EHD4: variants seen among roughly 807,000 people sequenced by gnomAD.
The protein encoded by EHD4 is EH domain containing 4.
A neutral mutation model predicts 51.0 loss-of-function variants in EHD4; 37 were observed. That is an observed-to-expected ratio of 0.73 (90% confidence interval 0.56 to 0.95). The LOEUF (loss-of-function observed/expected upper bound fraction) is 0.95. Ranked by LOEUF, EHD4 falls within the 40% of genes least tolerant of loss-of-function variation. EHD4 has a pLI of 0.00. For synonymous variants in EHD4, 297 were observed against 317.3 expected, an observed-to-expected ratio of 0.94 and a Z score of 0.68; for missense variants, 632 against 733.1, an observed-to-expected ratio of 0.86 and a Z score of 1.59.
chr15:41,907,572 T>A (rs1311230549), intron 5 of EHD4, among the ~76,000 whole-genome samples: 2 of 152,074 alleles, frequency 1.3e-5, no homozygotes, highest in Non-Finnish European at 2.9e-5. Flanking sequence ...CTGGCTGGAG[T>A]GCAGTGGTGC....
chr15:41,904,525 C>T (rs1361858283), intron 5 of EHD4, among the ~76,000 whole-genome samples: 3 of 152,164 alleles, frequency 2.0e-5, no homozygotes, highest in Non-Finnish European at 4.4e-5. Flanking sequence ...GGTATTTGCC[C>T]ATCAACAGTT....
intron 5 of EHD4, 36 bp downstream of exon 5, chr15:41,909,656 ACCTCTGC>A: frequency 1.2e-6 from 2 of 1,608,536 alleles, no homozygotes; most frequent in Non-Finnish European, 1.7e-6. Flanking sequence ...GTGGCACTGC[ACCTCTGC>A]CCTCTGCCCG....
chr15:41,945,819 G>T (rs905444565), intron 2 of EHD4, among the ~76,000 whole-genome samples: 2 of 152,260 alleles, frequency 1.3e-5, no homozygotes, highest in African/African-American at 4.8e-5. Flanking sequence ...TAACAGCAGT[G>T]CAGTGGTAGT....
At chr15:41,907,188 G>A (rs1238487141) in intron 5 of EHD4, among the ~76,000 whole-genome samples, 3 of 152,244 alleles carry the variant, frequency 2.0e-5, no homozygotes, top group Non-Finnish European at 4.4e-5. Context: ...GCAAGGCACT[G>A]TAGCAACTTC....
intron 1 of EHD4, among the ~76,000 whole-genome samples, chr15:41,954,735 T>TC (rs2067875645): frequency 6.6e-6 from 1 of 152,110 alleles, no homozygotes; most frequent in Non-Finnish European, 1.5e-5. Context: ...CCTCCTGGGC[T>TC]CCAACAATCC....
intron 2 of EHD4, among the ~76,000 whole-genome samples, chr15:41,952,103 G>A (rs2067855761): frequency 6.6e-6 from 1 of 152,218 alleles, no homozygotes; most frequent in African/African-American, 2.4e-5. Flanking sequence ...ATCTTCCACA[G>A]AAGGCACCTG....
chr15:41,913,200 T>C (rs2067561224), intron 4 of EHD4, among the ~76,000 whole-genome samples: 1 of 152,144 alleles, frequency 6.6e-6, no homozygotes. Flanking sequence ...TTTTCTAAAG[T>C]CTTCTGGTAA....
At chr15:41,959,799 G>A (rs907113894) in intron 1 of EHD4, among the ~76,000 whole-genome samples, 6 of 151,892 alleles carry the variant, frequency 4.0e-5, no homozygotes, top group African/African-American at 7.3e-5. Flanking sequence ...GTGAAACCCC[G>A]TCTCTACTAA....
In EHD4 at chr15:41,968,800, T is replaced by G. The variant is rs529650097; in HGVS notation, c.236+3459A>C. ...TTTTGGTTTTTTATTGAGATATAAT[T>G]CATATACCAGAAAATTTATTCTTTT... On this transcript the variant is annotated intron_variant, in intron 1 of 5. Transcript: ENST00000220325. Among the ~76,000 whole-genome samples, 13 of 152,350 alleles carry G rather than the reference T, an allele frequency of 8.5e-5. No individual in the cohort carries two copies. In the East Asian group the frequency reaches 2.5e-3, roughly 29 times the overall value.
At chr15:41,952,991 C>G (rs1189580216) in intron 2 of EHD4, among the ~76,000 whole-genome samples, 1 of 117,796 alleles carries the variant, frequency 8.5e-6, no homozygotes, top group Non-Finnish European at 1.8e-5. Flanking sequence ...CTCTATCTTC[C>G]CCCCCGCAAA....
chr15:41,945,944 C>A (rs558362102), intron 2 of EHD4, among the ~76,000 whole-genome samples: 2 of 152,198 alleles, frequency 1.3e-5, no homozygotes, highest in Non-Finnish European at 2.9e-5. Flanking sequence ...GACTCCTCTG[C>A]GCCCAGTCTC....
intron 1 of EHD4, among the ~76,000 whole-genome samples, chr15:41,954,640 A>AT (rs926206685): frequency 1.0e-3 from 152 of 149,924 alleles, no homozygotes; most frequent in Middle Eastern, 3.4e-3. Flanking sequence ...CTGAAAAAAA[A>AT]TTTTTTTTTT....
At chr15:41,970,442 T>A (rs1420034270) in intron 1 of EHD4, among the ~76,000 whole-genome samples, 1 of 152,210 alleles carries the variant, frequency 6.6e-6, no homozygotes, top group Non-Finnish European at 1.5e-5. Flanking sequence ...CTCAGAACCC[T>A]TCATAAAACT....
intron 4 of EHD4, among the ~76,000 whole-genome samples, chr15:41,914,105 C>CT (rs1450430228): frequency 6.6e-6 from 1 of 152,094 alleles, no homozygotes; most frequent in Non-Finnish European, 1.5e-5. Flanking sequence ...CTGGCCACAT[C>CT]TACTCTGGGC....
At chr15:41,919,065 T>A in intron 4 of EHD4, 145 bp downstream of exon 4, 1 of 1,074,748 alleles carries the variant, frequency 9.3e-7, no homozygotes, top group Non-Finnish European at 1.3e-6. Flanking sequence ...CAGGGCCACC[T>A]GACCTCGAGG....
intron 3 of EHD4, among the ~76,000 whole-genome samples, chr15:41,938,620 G>A (rs1215028807): frequency 6.6e-6 from 1 of 152,214 alleles, no homozygotes; most frequent in East Asian, 1.9e-4. Flanking sequence ...GTTCCTGAGA[G>A]AATAAGTCGA....
intron 3 of EHD4, among the ~76,000 whole-genome samples, chr15:41,933,228 G>A (rs1172427017): frequency 6.6e-6 from 1 of 152,160 alleles, no homozygotes; most frequent in Non-Finnish European, 1.5e-5. Flanking sequence ...CCACAGGCTT[G>A]TTTGGATGGT....
At chr15:41,933,994 G>T (rs939411427) in intron 3 of EHD4, among the ~76,000 whole-genome samples, 3 of 152,130 alleles carry the variant, frequency 2.0e-5, no homozygotes, top group Non-Finnish European at 4.4e-5. Flanking sequence ...TGCCCTGGAA[G>T]GAGGCTGGTT....
At position 41,896,389 on chromosome 15, in the gene EHD4, C is replaced by T. The variant is rs1389511559; in HGVS notation, c.*4256G>A. 6.6e-6 allele frequency: 1 copy of T among 152,222 alleles called. No individual in the cohort carries two copies. The allele number at this position is 152,222 out of a possible 1,614,324, so 9.4% of individuals were successfully genotyped here. A position where few individuals can be genotyped will look rare whatever the true frequency, so the allele number is the denominator to read the frequency against. ...TATATACTGCAAGGTTCAGAGAAGA[C>T]AGAGTATCTCTCTCAAGAGTTCTAA... On this transcript the variant is annotated 3_prime_UTR_variant, in exon 6 of 6. Transcript: ENST00000220325.
Sources: allele counts gnomAD v4.1 joint callset (sites outside exome capture counted in the v4.1 genomes callset), GRCh38; gene constraint gnomAD v4.1.1; transcripts MANE v1.5; gene names NCBI Gene and HGNC (gene_info 2026-07-23, HGNC 2026-07-21).